The following MAPKAP1 variants were observed in gnomAD, a reference collection of about 807,000 sequenced individuals.
The protein encoded by MAPKAP1 is target of rapamycin complex 2 subunit MAPKAP1.
Under a neutral mutation model 65.7 loss-of-function variants are expected in MAPKAP1, and 20 were observed. The ratio of observed to expected loss-of-function variants is 0.30; its 90% CI spans 0.21 to 0.44. The LOEUF is 0.44. Ranked by LOEUF, MAPKAP1 falls within the 20% of genes least tolerant of loss-of-function variation. The probability of loss-of-function intolerance (pLI) is 1.00; values close to 1 mark genes in which losing one functional copy is unlikely to be tolerated. For missense variants in MAPKAP1, 423 were observed against 648.0 expected (o/e 0.65, Z 3.77); for synonymous variants, 222 against 244.3 (o/e 0.91, Z 0.85).
At chr9:125,629,906 T>G (rs148933735) in intron 4 of MAPKAP1, among the ~76,000 whole-genome samples, 13 of 152,300 alleles carry the variant, frequency 8.5e-5, no homozygotes, top group African/African-American at 2.6e-4. Context: ...GTATAATAAA[T>G]GTGGCTTTTG....
At chr9:125,522,359 G>C (rs1370568995) in intron 7 of MAPKAP1, among the ~76,000 whole-genome samples, 2 of 152,110 alleles carry the variant, frequency 1.3e-5, no homozygotes, top group Non-Finnish European at 2.9e-5. Context: ...TTCACCCAAT[G>C]AATTAAATCA....
At chr9:125,555,839 T>A (rs997799906) in intron 6 of MAPKAP1, among the ~76,000 whole-genome samples, 1 of 152,210 alleles carries the variant, frequency 6.6e-6, no homozygotes, top group African/African-American at 2.4e-5. Flanking sequence ...CACTGAAAGT[T>A]ATTCCAATTC....
At chr9:125,696,279 T>C (rs1835380145) in intron 1 of MAPKAP1, 1 of 151,780 alleles carries the variant, frequency 6.6e-6, no homozygotes, top group Admixed American at 6.6e-5. Flanking sequence ...GCCGTGGTAG[T>C]GCATGCCTGT....
intron 1 of MAPKAP1, among the ~76,000 whole-genome samples, chr9:125,690,855 A>G (rs920145250): frequency 3.9e-5 from 6 of 152,250 alleles, no homozygotes; most frequent in Admixed American, 6.5e-5. Flanking sequence ...GACTTCCTCA[A>G]AACAGAAGAC....
At chr9:125,650,461 C>T (rs1362274802) in intron 4 of MAPKAP1, 1 of 152,310 alleles carries the variant, frequency 6.6e-6, no homozygotes, top group Non-Finnish European at 1.5e-5. Flanking sequence ...TTGCCAAATT[C>T]CCCTTGCCTC....
At chr9:125,572,882 A>G (rs1404386658) in intron 5 of MAPKAP1, 1 of 152,250 alleles carries the variant, frequency 6.6e-6, no homozygotes. Context: ...TTAAACACTT[A>G]TTAATCTTCC....
chr9:125,465,745 C>T (rs891465504), intron 10 of MAPKAP1, among the ~76,000 whole-genome samples: 3 of 152,158 alleles, frequency 2.0e-5, no homozygotes, highest in East Asian at 3.9e-4. Flanking sequence ...GGTGGGCCTC[C>T]AATGGATAAA....
chr9:125,531,986 C>T lies in MAPKAP1; in HGVS notation c.958+11073G>A, dbSNP rs141020794. On this transcript the variant is annotated intron_variant, in intron 7 of 11. Transcript: ENST00000265960. The stretch of plus-strand genomic sequence containing the variant: ...CAGTCTGACAAATGTACACACTTGG[C>T]AATTGCAGCTCCCGTCAATATATAG... Among the ~76,000 whole-genome samples the T allele has an allele frequency of 4.9e-3, 742 of 152,226 alleles. 5 individuals carry two copies. Among genetic ancestry groups the T allele is most frequent in the African/African-American group, 0.017 (701 of 41,524 alleles).
intron 5 of MAPKAP1, 122 bp downstream of exon 5, chr9:125,585,433 G>T: frequency 9.8e-7 from 1 of 1,015,690 alleles, no homozygotes; most frequent in Non-Finnish European, 1.5e-6. Context: ...AGCACCCAGA[G>T]CTGGATCAGT....
chr9:125,584,436 T>C (rs1204535818), intron 5 of MAPKAP1, among the ~76,000 whole-genome samples: 4 of 152,094 alleles, frequency 2.6e-5, no homozygotes, highest in Non-Finnish European at 5.9e-5. Context: ...GAAGAGAACA[T>C]CTCCATGAAA....
At chr9:125,696,062 A>G (rs1835373360) in intron 1 of MAPKAP1, among the ~76,000 whole-genome samples, 1 of 152,242 alleles carries the variant, frequency 6.6e-6, no homozygotes, top group Non-Finnish European at 1.5e-5. Flanking sequence ...AAAGAGTAAA[A>G]GGCAACAATT....
At chr9:125,693,514 CACACATATAT>C (rs959364808) in intron 1 of MAPKAP1, among the ~76,000 whole-genome samples, 2 of 132,284 alleles carry the variant, frequency 1.5e-5, no homozygotes, top group South Asian at 2.4e-4. Context: ...TACACATACA[CACACATATAT>C]ACACATATAC....
At chr9:125,634,452 C>T (rs949525668) in intron 4 of MAPKAP1, among the ~76,000 whole-genome samples, 8 of 152,088 alleles carry the variant, frequency 5.3e-5, no homozygotes, top group African/African-American at 1.9e-4. Context: ...AAGAGGTGAA[C>T]GTGTAATAAA....
At chr9:125,584,615 A>C (rs1369856749) in intron 5 of MAPKAP1, among the ~76,000 whole-genome samples, 1 of 152,068 alleles carries the variant, frequency 6.6e-6, no homozygotes, top group Non-Finnish European at 1.5e-5. Context: ...TCAGTAGAGA[A>C]AGGGTTTCAC....
chr9:125,538,141 C>G (rs758276835), intron 7 of MAPKAP1, among the ~76,000 whole-genome samples: 3 of 152,166 alleles, frequency 2.0e-5, no homozygotes, highest in Non-Finnish European at 2.9e-5. Flanking sequence ...TAATTCTATA[C>G]AGAACTGAAA....
In MAPKAP1 at chr9:125,467,910, G is replaced by T. The variant is rs1010899036; in HGVS notation, c.1345+62C>A. ...TGGCAATATATTCTCCTGGCACCCA[G>T]CACACAGAAGAGAAGAGAGGGGAAA... On this transcript the variant is annotated intron_variant, in intron 10 of 11. Coordinates refer to ENST00000265960, the MANE Select transcript of MAPKAP1 (RefSeq NM_001006617.3). 2.6e-6 allele frequency: 4 copies of T among 1,557,878 alleles called. No homozygotes were observed. In the African/African-American group the frequency reaches 4.1e-5, roughly 16 times the overall value.
chr9:125,674,659 T>C (rs555213841), intron 1 of MAPKAP1, among the ~76,000 whole-genome samples: 24 of 152,346 alleles, frequency 1.6e-4, no homozygotes, highest in African/African-American at 2.4e-4. Context: ...TGCTGATGTG[T>C]CTTAAAGTGG....
chr9:125,575,452 C>A (rs539230806), intron 5 of MAPKAP1, among the ~76,000 whole-genome samples: 1 of 152,284 alleles, frequency 6.6e-6, no homozygotes, highest in Non-Finnish European at 1.5e-5. Flanking sequence ...GAGGTCCTAT[C>A]AAAATGATGC....
At chr9:125,635,066 T>C (rs959500968) in intron 4 of MAPKAP1, among the ~76,000 whole-genome samples, 2 of 152,218 alleles carry the variant, frequency 1.3e-5, no homozygotes, top group Non-Finnish European at 2.9e-5. Context: ...ACTCATTCTC[T>C]TGGGCACTAA....
Sources: allele counts gnomAD v4.1 joint callset (sites outside exome capture counted in the v4.1 genomes callset), GRCh38; gene constraint gnomAD v4.1.1; transcripts MANE v1.5; gene names NCBI Gene and HGNC (gene_info 2026-07-23, HGNC 2026-07-21).